Variants in CCNY observed in about 807,000 individuals in gnomAD.
CCNY encodes the protein cyclin-Y.
CCNY carries 19 observed loss-of-function variants against 42.8 expected under a neutral mutation model. The ratio of observed to expected loss-of-function variants is 0.44; its 90% CI spans 0.31 to 0.65. The LOEUF (loss-of-function observed/expected upper bound fraction) is 0.65. Ranked by LOEUF, CCNY falls within the 30% of genes least tolerant of loss-of-function variation. CCNY has a pLI of 0.07. For synonymous variants in CCNY, 165 were observed against 162.7 expected (o/e 1.01, Z -0.11); for missense variants, 370 against 437.3 (o/e 0.85, Z 1.37).
At chr10:35,539,512 G>A (rs1824006906) in intron 7 of CCNY, among the ~76,000 whole-genome samples, 1 of 152,128 alleles carries the variant, frequency 6.6e-6, no homozygotes, top group Non-Finnish European at 1.5e-5. Flanking sequence ...CTAGGGGCAG[G>A]GTGCAGTGGC....
chr10:35,249,680 CCT>C (rs1362080346), intron 2 of CCNY, among the ~76,000 whole-genome samples: 23 of 152,316 alleles, frequency 1.5e-4, no homozygotes, highest in African/African-American at 5.3e-4. Context: ...GAATGGCTGA[CCT>C]CTTCCTGCTT....
chr10:35,308,489 C>T lies in CCNY; in HGVS notation c.-9+57863C>T, dbSNP rs150338015. Among the ~76,000 whole-genome samples the T allele has an allele frequency of 6.6e-5, 10 of 152,202 alleles. No homozygotes were observed. In the East Asian group the frequency reaches 1.9e-3, roughly 29 times the overall value. ...ATCACTTGAGCCTGAGAGTTTGAGG[C>T]TGCAGTGAGTTATGATCCTGTCACT... On this transcript the variant is annotated intron_variant, in intron 3 of 11. Transcript: ENST00000374706.
intron 1 of CCNY, among the ~76,000 whole-genome samples, chr10:35,362,635 C>CA (rs1184705761): frequency 6.6e-6 from 1 of 152,008 alleles, no homozygotes; most frequent in East Asian, 1.9e-4. Context: ...ACTTTAATGT[C>CA]AAAAATGCAA....
rs2095716887 is a variant in CCNY at position 35,258,062 on chromosome 10, G to C, written c.-9+7436G>C. 2.0e-5 allele frequency among the ~76,000 whole-genome samples: 3 copies of C among 152,150 alleles called. No individual in the cohort carries two copies. In the South Asian group the frequency reaches 6.2e-4, roughly 32 times the overall value. On this transcript the variant is annotated intron_variant, in intron 3 of 11. Transcript: ENST00000374706. ...ATTTTTCATTTTATTGTGCTTTTCA[G>C]CTCTAGAATTTTTTTGTTTCTTTGG...
chr10:35,343,110 C>G (rs1027926146), intron 1 of CCNY, among the ~76,000 whole-genome samples: 3 of 148,882 alleles, frequency 2.0e-5, no homozygotes, highest in Non-Finnish European at 4.4e-5. Flanking sequence ...TCAAGTAATT[C>G]TCCTGCCTCA....
intron 1 of CCNY, among the ~76,000 whole-genome samples, chr10:35,386,888 A>G (rs1252628440): frequency 6.6e-6 from 1 of 151,926 alleles, no homozygotes; most frequent in Non-Finnish European, 1.5e-5. Flanking sequence ...GGATGGTGCA[A>G]TTCTCTGAAA....
chr10:35,433,573 G>T (rs1295754233), intron 1 of CCNY, among the ~76,000 whole-genome samples: 1 of 152,220 alleles, frequency 6.6e-6, no homozygotes, highest in Non-Finnish European at 1.5e-5. Flanking sequence ...GGATTTTCTA[G>T]TGTATGATAC....
chr10:35,314,339 A>G (rs1228693085), intron 3 of CCNY, among the ~76,000 whole-genome samples: 1 of 152,176 alleles, frequency 6.6e-6, no homozygotes, highest in Non-Finnish European at 1.5e-5. Context: ...GGCAGTCAAG[A>G]GAGAATGAGA....
At chr10:35,480,480 C>T (rs1357111414) in intron 1 of CCNY, among the ~76,000 whole-genome samples, 2 of 152,126 alleles carry the variant, frequency 1.3e-5, no homozygotes, top group Non-Finnish European at 2.9e-5. Flanking sequence ...TCAGTTTTCA[C>T]CCTGAGCTTC....
intron 1 of CCNY, among the ~76,000 whole-genome samples, chr10:35,446,329 T>C (rs1021664451): frequency 6.6e-6 from 1 of 152,240 alleles, no homozygotes; most frequent in Non-Finnish European, 1.5e-5. Context: ...AATACTTACA[T>C]GTCAAATGCC....
chr10:35,445,502 G>T (rs1168609574), intron 1 of CCNY, among the ~76,000 whole-genome samples: 1 of 152,222 alleles, frequency 6.6e-6, no homozygotes, highest in Admixed American at 6.5e-5. Flanking sequence ...GTGGAAGACT[G>T]TTAGAGCTGG....
intron 8 of CCNY, among the ~76,000 whole-genome samples, chr10:35,558,718 A>T (rs1283021711): frequency 6.6e-6 from 1 of 152,224 alleles, no homozygotes; most frequent in East Asian, 1.9e-4. Context: ...GTGAGGACAC[A>T]GAGAAGGTAG....
chr10:35,501,117 C>G (rs1020525579), intron 2 of CCNY, among the ~76,000 whole-genome samples: 1 of 152,070 alleles, frequency 6.6e-6, no homozygotes, highest in African/African-American at 2.4e-5. Flanking sequence ...TACTGTGGAG[C>G]TTTATGGGTC....
chr10:35,254,279 C>A (rs2095714016), intron 3 of CCNY, among the ~76,000 whole-genome samples: 1 of 152,084 alleles, frequency 6.6e-6, no homozygotes, highest in African/African-American at 2.4e-5. Flanking sequence ...TTAATTAATT[C>A]ACCATCAGTA....
chr10:35,486,726 C>T (rs1839795833), intron 2 of CCNY, among the ~76,000 whole-genome samples: 1 of 152,244 alleles, frequency 6.6e-6, no homozygotes, highest in African/African-American at 2.4e-5. Context: ...CAGCCAACTT[C>T]CTCTCTTCTT....
At chr10:35,467,628 A>G (rs1839297897) in intron 1 of CCNY, among the ~76,000 whole-genome samples, 1 of 152,198 alleles carries the variant, frequency 6.6e-6, no homozygotes, top group Non-Finnish European at 1.5e-5. Flanking sequence ...TTCCATTTCA[A>G]TAAATTCCTT....
intron 1 of CCNY, chr10:35,449,848 G>A: frequency 1.0e-6 from 1 of 976,210 alleles, no homozygotes; most frequent in Non-Finnish European, 1.2e-6. Flanking sequence ...GGAGGTTGGG[G>A]GAGAGACAAA....
intron 3 of CCNY, among the ~76,000 whole-genome samples, chr10:35,506,505 T>C (rs2135396920): frequency 6.6e-6 from 1 of 152,338 alleles, no homozygotes; most frequent in African/African-American, 2.4e-5. Context: ...TTAAGTGTAT[T>C]GGTTATGTCT....
At chr10:35,461,579 A>G (rs767632457) in intron 1 of CCNY, among the ~76,000 whole-genome samples, 11 of 152,134 alleles carry the variant, frequency 7.2e-5, no homozygotes, top group Admixed American at 2.6e-4. Context: ...AGTTGGGCCC[A>G]GGAGAAGGTT....
Sources: allele counts gnomAD v4.1 joint callset (sites outside exome capture counted in the v4.1 genomes callset), GRCh38; gene constraint gnomAD v4.1.1; transcripts MANE v1.5; gene names NCBI Gene and HGNC (gene_info 2026-07-23, HGNC 2026-07-21).